The following ABLIM3 variants were observed in gnomAD, a reference collection of about 807,000 sequenced individuals.
ABLIM3 encodes actin-binding LIM protein 3.
In ABLIM3, 61 loss-of-function variants were observed where a neutral mutation model predicts 109.5. That is an observed-to-expected ratio of 0.56 (90% CI 0.45 to 0.69). The LOEUF is 0.69. Among genes scored for constraint, ABLIM3 ranks in the 30% least tolerant of loss-of-function variants. ABLIM3 has a pLI of 0.00. For synonymous variants in ABLIM3, 300 were observed against 324.8 expected (o/e 0.92, Z 0.82); for missense variants, 796 against 889.5 (o/e 0.89, Z 1.34).
intron 2 of ABLIM3, among the ~76,000 whole-genome samples, chr5:149,149,678 GCC>G (rs1466912904): frequency 1.3e-5 from 2 of 152,320 alleles, no homozygotes; most frequent in Non-Finnish European, 1.5e-5. Flanking sequence ...AGACTGCATG[GCC>G]TAGCCACTGA....
chr5:149,144,155 TATAA>T (rs1752721367), intron 2 of ABLIM3, among the ~76,000 whole-genome samples: 1 of 152,218 alleles, frequency 6.6e-6, no homozygotes, highest in South Asian at 2.1e-4. Context: ...CACTACTTTT[TATAA>T]GCAGGGAGAG....
chr5:149,188,284 A>G (rs1757162366), intron 3 of ABLIM3, among the ~76,000 whole-genome samples: 1 of 152,210 alleles, frequency 6.6e-6, no homozygotes, highest in Non-Finnish European at 1.5e-5. Context: ...ATACTAAAAA[A>G]TTATTAGAAC....
In ABLIM3 at chr5:149,237,579, G is replaced by T. The variant is rs1298526587; in HGVS notation, c.1020G>T (p.Met340Ile). Residue 340 changes from methionine (M) to isoleucine (I), a missense_variant, in exon 11 of 24, where the codon ATG becomes ATT. By Grantham distance (10) the Met-to-Ile change is conservative. Transcript: ENST00000309868. ...ATTCCAGATACATGTCCGACGAGAT[G>T]CTGGAGAGATGTGGCTATGGAGAGG... is the stretch of plus-strand genomic sequence containing the variant. ...EPHSRYMSDE[M>I]LERCGYGESL... The T allele has an allele frequency of 1.2e-6, 2 of 1,614,062 alleles. No individual in the cohort carries two copies. Among genetic ancestry groups the T allele is most frequent in the Non-Finnish European group, 1.7e-6 (2 of 1,180,050 alleles).
intron 2 of ABLIM3, among the ~76,000 whole-genome samples, chr5:149,170,245 T>TCTCTCTCTCC (rs1755267435): frequency 6.6e-6 from 1 of 151,130 alleles, no homozygotes; most frequent in Non-Finnish European, 1.5e-5. Flanking sequence ...TCTCTCTCTC[T>TCTCTCTCTCC]CTCTCTCTCT....
intron 8 of ABLIM3, among the ~76,000 whole-genome samples, chr5:149,223,386 A>G (rs1376298459): frequency 6.6e-6 from 1 of 152,200 alleles, no homozygotes; most frequent in Non-Finnish European, 1.5e-5. Context: ...GAGAAACAAA[A>G]TTGCCTGCTG....
At chr5:149,231,868 C>T (rs890590200) in intron 9 of ABLIM3, among the ~76,000 whole-genome samples, 2 of 152,114 alleles carry the variant, frequency 1.3e-5, no homozygotes, top group African/African-American at 4.8e-5. Flanking sequence ...TAAAATAAAA[C>T]TTTATATTGC....
intron 8 of ABLIM3, among the ~76,000 whole-genome samples, chr5:149,227,411 A>C (rs1761419425): frequency 6.6e-6 from 1 of 152,190 alleles, no homozygotes. Context: ...GACTCATGGA[A>C]CCAGGAGTTG....
rs1031658803 is a variant in ABLIM3, at chr5:149,236,178, A to T, written c.889-1270A>T. 2.0e-5 allele frequency among the ~76,000 whole-genome samples: 3 copies of T among 152,322 alleles called. No homozygotes were observed. The East Asian group carries it at 5.8e-4, about 29-fold the overall frequency. ...TTCAGGACATAGATCCAGGCAAGGA[A>T]GGGTGGACACTGGGTCTAGGGGCAA... On this transcript the variant is annotated intron_variant, in intron 10 of 23. Coordinates refer to ENST00000309868, the MANE Select transcript of ABLIM3 (RefSeq NM_014945.5).
At chr5:149,242,772 C>G (rs192943949) in intron 15 of ABLIM3, among the ~76,000 whole-genome samples, 312 of 152,298 alleles carry the variant, frequency 2.0e-3, no homozygotes, top group African/African-American at 7.2e-3. Flanking sequence ...TGCAATCTCC[C>G]CCTTACCTGC....
chr5:149,230,723 G>C lies in ABLIM3; in HGVS notation c.816+16G>C. The C allele has an allele frequency of 6.2e-7, 1 of 1,613,882 alleles. No homozygotes were observed. The highest frequency in any genetic ancestry group is 8.5e-7 in the Non-Finnish European group (1 of 1,179,816). On this transcript the variant is annotated intron_variant, in intron 9 of 23. Transcript: ENST00000309868. ...GAAGTTAAAGGTAAGCAAGCTAGTA[G>C]ATTCCAGACCAGCACTCCTGCTTTG... is the stretch of plus-strand genomic sequence containing the variant.
chr5:149,258,260 C>T (rs1397252946), intron 23 of ABLIM3, 31 bp from the exon 24 acceptor site: 3 of 1,599,928 alleles, frequency 1.9e-6, no homozygotes, highest in African/African-American at 1.3e-5. Context: ...TTTCTCTGTC[C>T]CCCCACCCCC....
chr5:149,190,639 C>A (rs1295850488), intron 3 of ABLIM3, among the ~76,000 whole-genome samples: 1 of 152,168 alleles, frequency 6.6e-6, no homozygotes, highest in Non-Finnish European at 1.5e-5. Context: ...GTTATCACGC[C>A]ACTGCACTCC....
intron 18 of ABLIM3, among the ~76,000 whole-genome samples, chr5:149,248,344 T>A (rs1258110650): frequency 2.0e-5 from 3 of 152,146 alleles, no homozygotes; most frequent in Non-Finnish European, 4.4e-5. Context: ...GAGCAGTCAC[T>A]CCCATTGCTT....
rs373855834 is a variant in ABLIM3 at position 149,198,017 on chromosome 5, G to C, written c.152-202G>C. ...TCTTTAAGGAATACTGGCCCCAAAG[G>C]CCTGTGAAGTCTGACATGCTACCAT... On this transcript the variant is annotated intron_variant, in intron 3 of 23. Coordinates refer to ENST00000309868, the MANE Select transcript of ABLIM3 (RefSeq NM_014945.5). The surrounding 1 kb of genome is among the most constrained non-coding windows in gnomAD (Gnocchi z 4.2). Among the ~76,000 whole-genome samples, 1 of 112,364 alleles carries C rather than the reference G, an allele frequency of 8.9e-6. No homozygotes were observed. The highest frequency in any genetic ancestry group is 2.3e-4 in the East Asian group (1 of 4,306). The allele number at this position is 112,364 out of a possible 152,430, so 73.7% of individuals were successfully genotyped here.
At chr5:149,184,439 C>T (rs1471727958) in intron 3 of ABLIM3, among the ~76,000 whole-genome samples, 2 of 152,080 alleles carry the variant, frequency 1.3e-5, no homozygotes, top group African/African-American at 4.8e-5. Context: ...TTCGCTTTTC[C>T]CTTTGACTGC....
chr5:149,184,348 G>T, intron 3 of ABLIM3, among the ~76,000 whole-genome samples: 1 of 152,124 alleles, frequency 6.6e-6, no homozygotes, highest in African/African-American at 2.4e-5. Context: ...ATTGCCCTGT[G>T]GGTTTAGAAA....
rs143509672 is a variant in ABLIM3 at position 149,160,332 on chromosome 5, G to A, written c.13+18224G>A. The stretch of plus-strand genomic sequence containing the variant: ...AAATTAGCCAGGCATGTTGGTGCAC[G>A]CCTGTAATCACAGCTACTCAAGAGG... On this transcript the variant is annotated intron_variant, in intron 2 of 23. Transcript: ENST00000309868. Among the ~76,000 whole-genome samples, 275 of 152,064 alleles carry A rather than the reference G, an allele frequency of 1.8e-3. 1 individual carries two copies. The South Asian group carries it at 0.02, about 11-fold the overall frequency.
At chr5:149,254,536 C>T (rs1310116895) in intron 23 of ABLIM3, among the ~76,000 whole-genome samples, 1 of 152,108 alleles carries the variant, frequency 6.6e-6, no homozygotes, top group Non-Finnish European at 1.5e-5. Flanking sequence ...TATGAGCTGC[C>T]CTTGACTTGA....
intron 22 of ABLIM3, chr5:149,252,449 C>G: frequency 1.8e-6 from 1 of 557,854 alleles, no homozygotes. Context: ...ACTCTGTTGG[C>G]TTGCCAGTCA....
Sources: gnomAD v4.1 joint callset for allele counts (sites outside exome capture counted in the v4.1 genomes callset) on GRCh38, gnomAD v4.1.1 for gene constraint, Gnocchi (gnomAD v3.1) non-coding constraint, MANE v1.5 for transcripts, NCBI Gene and HGNC (gene_info 2026-07-23, HGNC 2026-07-21) for gene names.